ADCY2: variants seen among roughly 807,000 people sequenced by gnomAD.
ADCY2 encodes the protein adenylate cyclase type 2.
Under a neutral mutation model 125.2 loss-of-function variants are expected in ADCY2, and 31 were observed. The ratio of observed to expected loss-of-function variants is 0.25; its 90% CI spans 0.19 to 0.33. The LOEUF is 0.33. Ranked by LOEUF, ADCY2 falls within the 10% of genes least tolerant of loss-of-function variation. ADCY2 has a pLI of 1.00. For synonymous variants in ADCY2, 512 were observed against 548.4 expected, an observed-to-expected ratio of 0.93 and a Z score of 0.93; for missense variants, 904 against 1,418.2, an observed-to-expected ratio of 0.64 and a Z score of 5.82.
intron 4 of ADCY2, among the ~76,000 whole-genome samples, chr5:7,679,150 G>T (rs1373303644): frequency 6.6e-6 from 1 of 152,216 alleles, no homozygotes; most frequent in Non-Finnish European, 1.5e-5. Context: ...TAGCCTAGCT[G>T]TGGGTGGGGA....
At chr5:7,522,531 T>G (rs1219834842) in intron 3 of ADCY2, 2 of 152,196 alleles carry the variant, frequency 1.3e-5, no homozygotes, top group East Asian at 3.9e-4. Context: ...TCTTCCATCT[T>G]CTCGTTTATT....
At chr5:7,416,958 C>T (rs760260940) in intron 2 of ADCY2, among the ~76,000 whole-genome samples, 4 of 152,058 alleles carry the variant, frequency 2.6e-5, no homozygotes, top group African/African-American at 4.8e-5. Flanking sequence ...CTTTTTATTA[C>T]GGATCAGTTT....
At chr5:7,416,374 G>GCGGC (rs1229524155) in intron 2 of ADCY2, among the ~76,000 whole-genome samples, 2 of 152,136 alleles carry the variant, frequency 1.3e-5, no homozygotes, top group Non-Finnish European at 2.9e-5. Context: ...AGGGCTGGGC[G>GCGGC]CGGCCCCCAT....
At chr5:7,657,852 C>T (rs1217641668) in intron 4 of ADCY2, among the ~76,000 whole-genome samples, 2 of 152,138 alleles carry the variant, frequency 1.3e-5, no homozygotes, top group African/African-American at 4.8e-5. Context: ...CCAAAATTCC[C>T]AGCAATTAGT....
intron 2 of ADCY2, among the ~76,000 whole-genome samples, chr5:7,484,879 A>T (rs939225849): frequency 1.5e-4 from 23 of 152,302 alleles, no homozygotes; most frequent in Non-Finnish European, 1.5e-5. Flanking sequence ...GATTTCCCAT[A>T]AACTGCCATC....
chr5:7,751,736 C>A (rs1271062541), intron 15 of ADCY2, among the ~76,000 whole-genome samples: 1 of 152,036 alleles, frequency 6.6e-6, no homozygotes, highest in Non-Finnish European at 1.5e-5. Context: ...TGCAGCTGTC[C>A]ACGTTTGGCT....
At chr5:7,532,676 A>C (rs571846622) in intron 3 of ADCY2, among the ~76,000 whole-genome samples, 45 of 152,068 alleles carry the variant, frequency 3.0e-4, no homozygotes, top group Non-Finnish European at 5.6e-4. Flanking sequence ...TTTAAGTGTA[A>C]ATCTAGAACT....
intron 3 of ADCY2, among the ~76,000 whole-genome samples, chr5:7,597,591 A>G (rs967700465): frequency 1.3e-5 from 2 of 152,190 alleles, no homozygotes; most frequent in Non-Finnish European, 2.9e-5. Context: ...CCTGAGCAAC[A>G]TGACAAAAAC....
chr5:7,766,785 G>C lies in ADCY2; in HGVS notation c.2193G>C (p.Ala731=). 6.2e-7 allele frequency: 1 copy of C among 1,609,238 alleles called. No individual in the cohort carries two copies. Among genetic ancestry groups the C allele is most frequent in the Admixed American group, 1.7e-5 (1 of 58,538 alleles). ...ASNNQVAILR[A]QNLFFLPYFI... ...ATAATCAGGTGGCGATTCTGCGTGC[G>C]CAGAATTTATTTTTCCTCCCGGTAA... The change falls in exon 17 of 25, where the codon GCG becomes GCC. Residue 731 remains alanine, a synonymous_variant. Coordinates refer to ENST00000338316, the MANE Select transcript of ADCY2 (RefSeq NM_020546.3).
chr5:7,505,543 A>G (rs529903404), intron 2 of ADCY2, among the ~76,000 whole-genome samples: 16 of 152,336 alleles, frequency 1.1e-4, no homozygotes, highest in African/African-American at 3.8e-4. Context: ...ACTGTGCAGG[A>G]AGATGTTATG....
chr5:7,701,070 C>A (rs1220261020), intron 7 of ADCY2, among the ~76,000 whole-genome samples: 1 of 151,854 alleles, frequency 6.6e-6, no homozygotes, highest in African/African-American at 2.4e-5. Flanking sequence ...TGAATCCAAT[C>A]AGTGGAACTA....
intron 22 of ADCY2, 81 bp from the exon 23 acceptor site, chr5:7,816,785 A>T: frequency 1.8e-6 from 2 of 1,126,624 alleles, no homozygotes; most frequent in Non-Finnish European, 2.7e-6. Flanking sequence ...TTTCTGCCTA[A>T]AGCTCAGGTT....
chr5:7,550,827 T>A (rs1735306549), intron 3 of ADCY2, among the ~76,000 whole-genome samples: 1 of 152,194 alleles, frequency 6.6e-6, no homozygotes, highest in Admixed American at 6.5e-5. Flanking sequence ...TGCTTAGAAA[T>A]GCCTGAGCCA....
At chr5:7,552,738 T>C (rs1318556209) in intron 3 of ADCY2, among the ~76,000 whole-genome samples, 1 of 152,230 alleles carries the variant, frequency 6.6e-6, no homozygotes, top group African/African-American at 2.4e-5. Flanking sequence ...ACCAAATAAC[T>C]TGGCCTTATT....
chr5:7,539,445 G>T (rs867713667), intron 3 of ADCY2, among the ~76,000 whole-genome samples: 1 of 152,026 alleles, frequency 6.6e-6, no homozygotes, highest in South Asian at 2.1e-4. Flanking sequence ...ACTACAGTTT[G>T]CAGACAGTAA....
At chr5:7,606,583 T>C (rs1222461690) in intron 3 of ADCY2, among the ~76,000 whole-genome samples, 1 of 152,330 alleles carries the variant, frequency 6.6e-6, no homozygotes, top group East Asian at 1.9e-4. Flanking sequence ...CCCGGGCACA[T>C]TCTTGCAGGC....
At chr5:7,589,379 CA>C (rs550689638) in intron 3 of ADCY2, among the ~76,000 whole-genome samples, 3 of 42,814 alleles carry the variant, frequency 7.0e-5, no homozygotes, top group East Asian at 7.3e-4. Context: ...TGTCCACTGG[CA>C]AAAAAAAAGA....
At chr5:7,410,011 T>C (rs1333584903) in intron 1 of ADCY2, among the ~76,000 whole-genome samples, 1 of 152,184 alleles carries the variant, frequency 6.6e-6, no homozygotes, top group East Asian at 1.9e-4. Context: ...ACACATCCAT[T>C]TGTAGTCAAA....
intron 2 of ADCY2, among the ~76,000 whole-genome samples, chr5:7,418,027 A>G (rs1029897892): frequency 6.6e-6 from 1 of 151,934 alleles, no homozygotes; most frequent in Non-Finnish European, 1.5e-5. Context: ...TTTTTTTGAC[A>G]CCATCTGCCT....
Sources: gnomAD v4.1 joint callset for allele counts (sites outside exome capture counted in the v4.1 genomes callset) on GRCh38, gnomAD v4.1.1 for gene constraint, MANE v1.5 for transcripts, NCBI Gene and HGNC (gene_info 2026-07-23, HGNC 2026-07-21) for gene names.